Variants in CDC14B observed in about 807,000 individuals in gnomAD.
The protein encoded by CDC14B is cell division cycle 14B, also known as dual specificity protein phosphatase CDC14B.
In CDC14B, 22 loss-of-function variants were observed where a neutral mutation model predicts 64.2. The observed-to-expected ratio is 0.34, with a 90% confidence interval of 0.24 to 0.49. The LOEUF (loss-of-function observed/expected upper bound fraction) is 0.49, where lower values mean the gene tolerates loss of function less well. Ranked by LOEUF, CDC14B falls within the 20% of genes least tolerant of loss-of-function variation. The pLI is 0.99. For synonymous variants in CDC14B, 191 were observed against 215.8 expected (o/e 0.89, Z 1.01); for missense variants, 498 against 629.9 (o/e 0.79, Z 2.24).
chr9:96,595,969 C>A (rs1006780522), intron 1 of CDC14B, among the ~76,000 whole-genome samples: 3 of 152,050 alleles, frequency 2.0e-5, no homozygotes, highest in Admixed American at 6.5e-5. Context: ...CATTTGAATA[C>A]TATATAAAAT....
At chr9:96,557,902 T>G (rs1842690175) in intron 4 of CDC14B, among the ~76,000 whole-genome samples, 1 of 152,224 alleles carries the variant, frequency 6.6e-6, no homozygotes, top group African/African-American at 2.4e-5. Flanking sequence ...ACAAAATGCT[T>G]GGCATTTATT....
At chr9:96,523,150 A>C in intron 11 of CDC14B, 111 bp downstream of exon 11, 1 of 1,171,432 alleles carries the variant, frequency 8.5e-7, no homozygotes, top group Non-Finnish European at 1.2e-6. Context: ...AAAAACTGAC[A>C]ATCATCCAAG....
chr9:96,548,951 T>A (rs760396900), intron 5 of CDC14B, among the ~76,000 whole-genome samples: 20 of 152,356 alleles, frequency 1.3e-4, no homozygotes, highest in Middle Eastern at 6.8e-3. Flanking sequence ...TTGTTGGTCA[T>A]ATTTATTCTA....
intron 1 of CDC14B, among the ~76,000 whole-genome samples, chr9:96,585,415 G>A (rs562819880): frequency 6.6e-6 from 1 of 151,452 alleles, no homozygotes; most frequent in Non-Finnish European, 1.5e-5. Flanking sequence ...CTGTGTCCCT[G>A]TGTTCTCATT....
At chr9:96,524,084 T>C (rs926384427) in intron 9 of CDC14B, among the ~76,000 whole-genome samples, 2 of 152,180 alleles carry the variant, frequency 1.3e-5, no homozygotes, top group African/African-American at 2.4e-5. Flanking sequence ...TTTACAGCCA[T>C]GTGCCACCAC....
At chr9:96,616,705 C>T (rs1417141963) in intron 1 of CDC14B, among the ~76,000 whole-genome samples, 1 of 148,392 alleles carries the variant, frequency 6.7e-6, no homozygotes. Context: ...GCCTGGGCAA[C>T]AGAGCGAGAC....
chr9:96,517,263 G>A (rs1313009360), intron 12 of CDC14B, among the ~76,000 whole-genome samples: 1 of 151,418 alleles, frequency 6.6e-6, no homozygotes, highest in Non-Finnish European at 1.5e-5. Flanking sequence ...AATTGCTTGA[G>A]CTCGGGAGGC....
At chr9:96,521,029 G>A (rs1189707616) in intron 12 of CDC14B, among the ~76,000 whole-genome samples, 1 of 152,040 alleles carries the variant, frequency 6.6e-6, no homozygotes, top group African/African-American at 2.4e-5. Flanking sequence ...AAACAAAATG[G>A]CATTTGGAGT....
chr9:96,562,800 ATAAC>A lies in CDC14B; in HGVS notation c.328-19_328-16del. Reference sequence around the variant, plus strand: ...ATTGTAATGGACTGCATAAAAATAAATAACTGTTAGCATTTTCTTTTTAATTTCA... The same window carrying A: ...ATTGTAATGGACTGCATAAAAATAAATGTTAGCATTTTCTTTTTAATTTCA... On this transcript the variant is annotated splice_polypyrimidine_tract_variant and intron_variant, in intron 3 of 13. Transcript: ENST00000375241. 1 of 1,481,256 alleles carries A rather than the reference ATAAC, an allele frequency of 6.8e-7. No homozygotes were observed. Among genetic ancestry groups the A allele is most frequent in the Non-Finnish European group, 9.4e-7 (1 of 1,066,742 alleles). 91.8% of individuals were successfully genotyped at this position (1,481,256 alleles called of 1,614,324 possible).
intron 1 of CDC14B, among the ~76,000 whole-genome samples, chr9:96,610,718 C>T (rs1039232326): frequency 6.6e-6 from 1 of 150,590 alleles, no homozygotes; most frequent in Non-Finnish European, 1.5e-5. Context: ...TCCACAAGAG[C>T]CTATGAAAGT....
At position 96,571,417 on chromosome 9, in the gene CDC14B, G is replaced by A. The variant is rs1359798570; in HGVS notation, c.161-5934C>T. On this transcript the variant is annotated intron_variant, in intron 1 of 13. Transcript: ENST00000375241. The stretch of plus-strand genomic sequence containing the variant: ...TCTCAATCTCCTGACCTCGTGATCC[G>A]CCCGCCTCGGCCTCCCAGAGTTTTG... Among the ~76,000 whole-genome samples the A allele has an allele frequency of 6.6e-5, 10 of 152,064 alleles. No individual in the cohort carries two copies. The East Asian group carries it at 1.5e-3, about 24-fold the overall frequency.
intron 1 of CDC14B, among the ~76,000 whole-genome samples, chr9:96,575,212 A>G (rs552027419): frequency 5.3e-5 from 8 of 152,170 alleles, no homozygotes; most frequent in Non-Finnish European, 1.2e-4. Context: ...ACTGTCTAGA[A>G]TCTGTCCTTG....
At chr9:96,603,089 G>C (rs1486297624) in intron 1 of CDC14B, among the ~76,000 whole-genome samples, 1 of 150,786 alleles carries the variant, frequency 6.6e-6, no homozygotes, top group Non-Finnish European at 1.5e-5. Context: ...TAACCTAAGA[G>C]CAGTGAAAAA....
At chr9:96,583,193 T>A (rs563646951) in intron 1 of CDC14B, among the ~76,000 whole-genome samples, 22 of 152,164 alleles carry the variant, frequency 1.4e-4, no homozygotes, top group South Asian at 6.2e-4. Context: ...TGGGCTCTCA[T>A]TGGTGAAATT....
intron 1 of CDC14B, among the ~76,000 whole-genome samples, chr9:96,569,207 A>AACAGTGTTTTTCC (rs1360601141): frequency 2.0e-5 from 3 of 152,226 alleles, no homozygotes; most frequent in Admixed American, 6.5e-5. Flanking sequence ...CTTGCAGGCT[A>AACAGTGTTTTTCC]ACAGTGTTTT....
At chr9:96,594,083 T>TA (rs1318999901) in intron 1 of CDC14B, among the ~76,000 whole-genome samples, 1 of 152,200 alleles carries the variant, frequency 6.6e-6, no homozygotes, top group African/African-American at 2.4e-5. Flanking sequence ...ACTTAAATTA[T>TA]AAAAACCAAA....
downstream of CDC14B, among the ~76,000 whole-genome samples, chr9:96,495,381 C>T (rs1455018936): frequency 1.3e-5 from 2 of 151,186 alleles, no homozygotes; most frequent in Non-Finnish European, 2.9e-5. Flanking sequence ...TCTGGGCACC[C>T]ATGTGTGCTG....
intron 7 of CDC14B, among the ~76,000 whole-genome samples, chr9:96,537,092 C>A (rs1839379761): frequency 6.6e-6 from 1 of 151,740 alleles, no homozygotes; most frequent in South Asian, 2.1e-4. Context: ...GAGTTTGTGA[C>A]CAGGCTGGGA....
At chr9:96,554,482 G>A (rs1013021675) in intron 4 of CDC14B, among the ~76,000 whole-genome samples, 9 of 152,134 alleles carry the variant, frequency 5.9e-5, no homozygotes, top group African/African-American at 2.2e-4. Context: ...ATACATTAAG[G>A]ACTGTGGTTT....
Sources: gnomAD v4.1 joint callset for allele counts (sites outside exome capture counted in the v4.1 genomes callset) on GRCh38, gnomAD v4.1.1 for gene constraint, MANE v1.5 for transcripts, NCBI Gene and HGNC (gene_info 2026-07-23, HGNC 2026-07-21) for gene names.